The following CCDC32 variants were observed in gnomAD, a reference collection of about 807,000 sequenced individuals.
The protein encoded by CCDC32 is coiled-coil domain containing 32.
In CCDC32, 9 loss-of-function variants were observed where a neutral mutation model predicts 20.1. The ratio of observed to expected loss-of-function variants is 0.45; its 90% CI spans 0.27 to 0.78. The LOEUF (loss-of-function observed/expected upper bound fraction) is 0.78. Ranked by LOEUF, CCDC32 falls within the 30% of genes least tolerant of loss-of-function variation. The pLI is 0.16. For synonymous variants in CCDC32, 63 were observed against 79.0 expected, an observed-to-expected ratio of 0.80 and a Z score of 1.07; for missense variants, 204 against 215.5, an observed-to-expected ratio of 0.95 and a Z score of 0.33.
chr15:40,524,426 G>A (rs149123281), downstream of CCDC32, among the ~76,000 whole-genome samples: 22 of 151,420 alleles, frequency 1.5e-4, no homozygotes, highest in East Asian at 4.3e-3. Context: ...CAAAGTGCTG[G>A]GATTACAGGC....
At chr15:40,552,771 C>CAAAAAAAAAAAAAAAAA (rs10675441), downstream of CCDC32, 4 of 68,778 alleles carry the variant, frequency 5.8e-5, 2 homozygotes, top group Non-Finnish European at 1.1e-4. Flanking sequence ...AGTGCGACCT[C>CAAAAAAAAAAAAAAAAA]AAAAAAAAAA....
intron 2 of CCDC32, among the ~76,000 whole-genome samples, chr15:40,560,487 C>A (rs554650314): frequency 1.3e-5 from 2 of 152,238 alleles, no homozygotes; most frequent in Admixed American, 6.5e-5. Flanking sequence ...GGACTAATAT[C>A]CAGAATCTAC....
At chr15:40,525,104 C>A (rs1036516501), downstream of CCDC32, among the ~76,000 whole-genome samples, 4 of 151,502 alleles carry the variant, frequency 2.6e-5, no homozygotes, top group Non-Finnish European at 4.4e-5. Context: ...AATCTCAACT[C>A]ACCGCAACCT....
chr15:40,556,269 A>AG (rs1890230777), intron 3 of CCDC32, among the ~76,000 whole-genome samples: 1 of 152,210 alleles, frequency 6.6e-6, no homozygotes, highest in Non-Finnish European at 1.5e-5. Flanking sequence ...CAAAGCCAGG[A>AG]GGGAGCTCAG....
intron 2 of CCDC32, among the ~76,000 whole-genome samples, chr15:40,559,598 C>T (rs1289253706): frequency 6.6e-6 from 1 of 152,202 alleles, no homozygotes; most frequent in Non-Finnish European, 1.5e-5. Context: ...ACATTACTCC[C>T]TATCTTTCTA....
At chr15:40,555,405 A>C (rs749788567) in intron 3 of CCDC32, among the ~76,000 whole-genome samples, 1 of 152,160 alleles carries the variant, frequency 6.6e-6, no homozygotes, top group Non-Finnish European at 1.5e-5. Flanking sequence ...AAAATGACAC[A>C]GGAGAAAGTT....
chr15:40,534,706 A>G, downstream of CCDC32: 1 of 575,120 alleles, frequency 1.7e-6, no homozygotes. Context: ...GCAGAAGAGA[A>G]CTAGCTAGGT....
chr15:40,525,106 C>T (rs190845281), downstream of CCDC32, among the ~76,000 whole-genome samples: 31 of 151,946 alleles, frequency 2.0e-4, no homozygotes, highest in East Asian at 3.9e-4. Flanking sequence ...TCTCAACTCA[C>T]CGCAACCTCT....
At chr15:40,559,183 AG>A (rs1250488336) in intron 2 of CCDC32, among the ~76,000 whole-genome samples, 1 of 152,048 alleles carries the variant, frequency 6.6e-6, no homozygotes, top group Non-Finnish European at 1.5e-5. Flanking sequence ...AACAACTGCT[AG>A]GCTCAAGCAA....
chr15:40,539,753 G>A (rs1400028308), intron 3 of CCDC32, among the ~76,000 whole-genome samples: 1 of 151,530 alleles, frequency 6.6e-6, no homozygotes. Flanking sequence ...TGTCTGAGTT[G>A]ATTTGTTGGC....
chr15:40,524,739 CTTTTTTTTTTT>C (rs758786719), downstream of CCDC32, among the ~76,000 whole-genome samples: 4 of 95,200 alleles, frequency 4.2e-5, no homozygotes, highest in African/African-American at 2.3e-4. Context: ...CTTTTTCTTT[CTTTTTTTTTTT>C]TTTTTTTTTT....
chr15:40,527,461 G>A (rs1381480391), downstream of CCDC32, among the ~76,000 whole-genome samples: 2 of 152,156 alleles, frequency 1.3e-5, no homozygotes, highest in African/African-American at 2.4e-5. Context: ...GAGAGCCACC[G>A]CACCCCACCG....
At chr15:40,523,923 A>T (rs896622679), downstream of CCDC32, among the ~76,000 whole-genome samples, 7 of 152,212 alleles carry the variant, frequency 4.6e-5, no homozygotes, top group African/African-American at 1.7e-4. Context: ...ACATAACAGT[A>T]GTTCCATTTT....
chr15:40,540,544 T>G (rs1413152111), intron 3 of CCDC32, among the ~76,000 whole-genome samples: 2 of 151,906 alleles, frequency 1.3e-5, no homozygotes, highest in Non-Finnish European at 2.9e-5. Context: ...ATTTTTTGTA[T>G]TTTTAGTAGA....
At chr15:40,564,889 A>G in intron 1 of CCDC32, 87 bp downstream of exon 1, 1 of 1,386,276 alleles carries the variant, frequency 7.2e-7, no homozygotes. Flanking sequence ...GGGATGAATC[A>G]GGTCCCAAGG....
At chr15:40,549,119 C>T (rs965289348), downstream of CCDC32, among the ~76,000 whole-genome samples, 3 of 152,154 alleles carry the variant, frequency 2.0e-5, no homozygotes, top group African/African-American at 7.2e-5. Flanking sequence ...ATGGCAAACC[C>T]ATGGCAGCCA....
chr15:40,551,684 C>T (rs1453800875), downstream of CCDC32, among the ~76,000 whole-genome samples: 1 of 151,832 alleles, frequency 6.6e-6, no homozygotes, highest in Admixed American at 6.6e-5. Context: ...GTGGTATGCA[C>T]CTGTAGTCCC....
chr15:40,563,826 CTTT>C (rs35503180), intron 1 of CCDC32, among the ~76,000 whole-genome samples: 1 of 137,336 alleles, frequency 7.3e-6, no homozygotes, highest in Non-Finnish European at 1.6e-5. Flanking sequence ...TTCTTTCTTT[CTTT>C]TTTTTTTTTG....
At chr15:40,530,857 G>A (rs1486490582), downstream of CCDC32, among the ~76,000 whole-genome samples, 1 of 150,902 alleles carries the variant, frequency 6.6e-6, no homozygotes, top group Admixed American at 6.6e-5. Context: ...GATTATAGGC[G>A]TGCGCCACCA....
Sources: allele counts gnomAD v4.1 joint callset (sites outside exome capture counted in the v4.1 genomes callset), GRCh38; gene constraint gnomAD v4.1.1; transcripts MANE v1.5; gene names NCBI Gene and HGNC (gene_info 2026-07-23, HGNC 2026-07-21).